RALGPS2: variants seen among roughly 807,000 people sequenced by gnomAD.
The protein encoded by RALGPS2 is Ral GEF with PH domain and SH3 binding motif 2, also known as ras-specific guanine nucleotide-releasing factor RalGPS2.
In RALGPS2, 43 loss-of-function variants were observed where a neutral mutation model predicts 86.8. The ratio of observed to expected loss-of-function variants is 0.50; its 90% CI spans 0.39 to 0.64. RALGPS2 has a LOEUF of 0.64. Among genes scored for constraint, RALGPS2 ranks in the 30% least tolerant of loss-of-function variants. The pLI, the probability that RALGPS2 is intolerant of heterozygous loss-of-function variation, is 0.00. For synonymous variants in RALGPS2, 243 were observed against 231.3 expected (o/e 1.05, Z -0.46); for missense variants, 536 against 694.6 (o/e 0.77, Z 2.57).
rs113308902 is a variant in RALGPS2, at chr1:178,864,057, A to T, written c.608-13441A>T. Among the ~76,000 whole-genome samples, 194 of 152,264 alleles carry T rather than the reference A, an allele frequency of 1.3e-3. 2 individuals carry two copies. Among genetic ancestry groups the T allele is most frequent in the African/African-American group, 4.3e-3 (178 of 41,558 alleles). ...AAGGAAGCAAATCAGCTTGTAAAGGATTCTGGGGAATGAGTTGTGAGAAAA... is the reference window on the plus strand; with the variant it reads ...AAGGAAGCAAATCAGCTTGTAAAGGTTTCTGGGGAATGAGTTGTGAGAAAA... On this transcript the variant is annotated intron_variant, in intron 8 of 19. Coordinates refer to ENST00000367635, the MANE Select transcript of RALGPS2 (RefSeq NM_152663.5).
chr1:178,875,520 G>A (rs891706391), intron 8 of RALGPS2, among the ~76,000 whole-genome samples: 3 of 152,068 alleles, frequency 2.0e-5, no homozygotes, highest in African/African-American at 7.2e-5. Flanking sequence ...GGCTGAGGCG[G>A]GTGGATCACT....
chr1:178,750,176 G>T (rs1389426338), intron 1 of RALGPS2, among the ~76,000 whole-genome samples: 4 of 152,188 alleles, frequency 2.6e-5, no homozygotes, highest in Admixed American at 2.6e-4. Flanking sequence ...CTAGGCGAGA[G>T]GTTGGCAAAC....
At chr1:178,777,700 G>T (rs1490140868) in intron 2 of RALGPS2, among the ~76,000 whole-genome samples, 1 of 151,974 alleles carries the variant, frequency 6.6e-6, no homozygotes, top group Non-Finnish European at 1.5e-5. Flanking sequence ...CAGAGATATA[G>T]ATCAATGGAA....
intron 5 of RALGPS2, among the ~76,000 whole-genome samples, chr1:178,808,809 T>G (rs1164336798): frequency 6.6e-6 from 1 of 152,192 alleles, no homozygotes; most frequent in Non-Finnish European, 1.5e-5. Flanking sequence ...TAGTAAAAAT[T>G]TAAATACCAA....
chr1:178,826,652 G>A (rs1340067010), intron 7 of RALGPS2, among the ~76,000 whole-genome samples: 2 of 152,068 alleles, frequency 1.3e-5, no homozygotes, highest in East Asian at 3.8e-4. Flanking sequence ...TCCTTGAAAT[G>A]TCCCCCTGAA....
chr1:178,921,164 C>G lies in RALGPS2; in HGVS notation c.*4805C>G, dbSNP rs1425299987. The G allele has an allele frequency of 6.6e-6, 1 of 151,868 alleles. No homozygotes were observed. Among genetic ancestry groups the G allele is most frequent in the African/African-American group, 2.4e-5 (1 of 41,372 alleles). 9.4% of individuals were successfully genotyped at this position (151,868 alleles called of 1,614,324 possible). On this transcript the variant is annotated 3_prime_UTR_variant, in exon 20 of 20. Transcript: ENST00000367635. ...AGCCAAATGAAAGAGTTAACTGGTC[C>G]TTGAGGAGTGTTAGCAAAATTTAAA...
At chr1:178,813,033 A>G (rs1383821988) in intron 6 of RALGPS2, among the ~76,000 whole-genome samples, 1 of 150,656 alleles carries the variant, frequency 6.6e-6, no homozygotes, top group African/African-American at 2.5e-5. Flanking sequence ...CCCGAGTTCA[A>G]GTGATTCTCA....
chr1:178,796,377 G>C (rs1053599392), intron 4 of RALGPS2, among the ~76,000 whole-genome samples: 2 of 152,170 alleles, frequency 1.3e-5, no homozygotes, highest in Non-Finnish European at 2.9e-5. Flanking sequence ...GTGTGACTGA[G>C]ACTTCTTTGT....
At chr1:178,835,645 A>C (rs1367756568) in intron 8 of RALGPS2, among the ~76,000 whole-genome samples, 6 of 152,090 alleles carry the variant, frequency 3.9e-5, no homozygotes, top group African/African-American at 1.2e-4. Context: ...CGCCCACCTC[A>C]GCCTCCCAAA....
chr1:178,826,874 A>C (rs560551885), intron 7 of RALGPS2, among the ~76,000 whole-genome samples: 1 of 152,324 alleles, frequency 6.6e-6, no homozygotes, highest in South Asian at 2.1e-4. Flanking sequence ...AAAGTTATAA[A>C]ACTTTACAGG....
chr1:178,736,163 TTG>T (rs1377261052), intron 1 of RALGPS2, among the ~76,000 whole-genome samples: 3 of 150,516 alleles, frequency 2.0e-5, no homozygotes, highest in African/African-American at 7.4e-5. Flanking sequence ...AATTTGTGGG[TTG>T]TTTTTTTTTT....
intron 1 of RALGPS2, among the ~76,000 whole-genome samples, chr1:178,766,386 AT>A (rs35601726): frequency 0.39 from 56,006 of 144,660 alleles, 10,695 homozygotes; most frequent in African/African-American, 0.44. Flanking sequence ...CACCCGGCTA[AT>A]TTTTTTTTTT....
chr1:178,882,587 TAGTC>T (rs1297529073), intron 10 of RALGPS2, among the ~76,000 whole-genome samples: 4 of 152,256 alleles, frequency 2.6e-5, no homozygotes, highest in Non-Finnish European at 5.9e-5. Flanking sequence ...TTTAAAATTT[TAGTC>T]AGTAGAATAC....
chr1:178,873,268 T>C (rs1658851511), intron 8 of RALGPS2, among the ~76,000 whole-genome samples: 1 of 151,996 alleles, frequency 6.6e-6, no homozygotes, highest in Admixed American at 6.6e-5. Context: ...CAAATTAGTG[T>C]CCACAATACA....
intron 7 of RALGPS2, among the ~76,000 whole-genome samples, chr1:178,831,998 C>G (rs1486247749): frequency 6.6e-6 from 1 of 152,016 alleles, no homozygotes; most frequent in Non-Finnish European, 1.5e-5. Flanking sequence ...GGTATTGTAC[C>G]AAAGTTTTTG....
At chr1:178,832,054 C>A (rs1052167029) in intron 7 of RALGPS2, among the ~76,000 whole-genome samples, 12 of 152,270 alleles carry the variant, frequency 7.9e-5, no homozygotes, top group African/African-American at 2.9e-4. Flanking sequence ...ATCATTATCC[C>A]TATGTCACAT....
At chr1:178,823,514 T>C (rs1339631198) in intron 7 of RALGPS2, among the ~76,000 whole-genome samples, 1 of 152,192 alleles carries the variant, frequency 6.6e-6, no homozygotes, top group African/African-American at 2.4e-5. Context: ...GAATTGTTGA[T>C]AAATGACAGT....
chr1:178,854,560 A>G (rs1257467195), intron 8 of RALGPS2, among the ~76,000 whole-genome samples: 1 of 152,176 alleles, frequency 6.6e-6, no homozygotes, highest in Non-Finnish European at 1.5e-5. Flanking sequence ...ATAAATGAGT[A>G]TCTAAAGAGT....
At chr1:178,803,453 T>G (rs1654579489) in intron 4 of RALGPS2, among the ~76,000 whole-genome samples, 1 of 146,212 alleles carries the variant, frequency 6.8e-6, no homozygotes, top group African/African-American at 2.4e-5. Flanking sequence ...TCTTAGGAAT[T>G]TTATCCTAAA....
Sources: allele counts gnomAD v4.1 joint callset (sites outside exome capture counted in the v4.1 genomes callset), GRCh38; gene constraint gnomAD v4.1.1; transcripts MANE v1.5; gene names NCBI Gene and HGNC (gene_info 2026-07-23, HGNC 2026-07-21).